SUCLG2: variants seen among roughly 807,000 people sequenced by gnomAD.
SUCLG2 encodes succinate-CoA ligase GDP-forming subunit beta, also known as succinate--CoA ligase [GDP-forming] subunit beta, mitochondrial.
A neutral mutation model predicts 47.9 loss-of-function variants in SUCLG2; 42 were observed. The ratio of observed to expected loss-of-function variants is 0.88; its 90% confidence interval spans 0.69 to 1.14. The LOEUF (loss-of-function observed/expected upper bound fraction) is 1.14. Among genes scored for constraint, SUCLG2 ranks in the 50% most tolerant of loss-of-function variants. SUCLG2 has a pLI of 0.00. For missense variants in SUCLG2, 571 were observed against 525.9 expected, an observed-to-expected ratio of 1.09 and a Z score of -0.84; for synonymous variants, 195 against 197.3, an observed-to-expected ratio of 0.99 and a Z score of 0.10.
chr3:67,487,917 C>A (rs1312788105), intron 9 of SUCLG2, among the ~76,000 whole-genome samples: 1 of 152,034 alleles, frequency 6.6e-6, no homozygotes, highest in East Asian at 1.9e-4. Context: ...TTGTAACACC[C>A]TGAATATCAA....
intron 7 of SUCLG2, among the ~76,000 whole-genome samples, chr3:67,508,409 G>A (rs2107097111): frequency 6.6e-6 from 1 of 152,206 alleles, no homozygotes; most frequent in African/African-American, 2.4e-5. Flanking sequence ...GTGAACGAAT[G>A]TTTCTTTCCT....
chr3:67,625,825 GA>G (rs1277231044), intron 1 of SUCLG2, among the ~76,000 whole-genome samples: 1 of 152,082 alleles, frequency 6.6e-6, no homozygotes, highest in Non-Finnish European at 1.5e-5. Context: ...CAGAAAGGAT[GA>G]ATGTAAGACT....
downstream of SUCLG2, among the ~76,000 whole-genome samples, chr3:67,371,214 GAAC>G (rs201797515): frequency 1.2e-4 from 19 of 152,056 alleles, no homozygotes; most frequent in African/African-American, 3.4e-4. Context: ...GGAGGAACAA[GAAC>G]AACAACAACA....
intron 2 of SUCLG2, among the ~76,000 whole-genome samples, chr3:67,588,403 C>A (rs1451300068): frequency 6.6e-6 from 1 of 152,198 alleles, no homozygotes; most frequent in East Asian, 1.9e-4. Context: ...AGCTGAATAT[C>A]TGACACCCCA....
intron 9 of SUCLG2, among the ~76,000 whole-genome samples, chr3:67,481,025 GT>G (rs57632637): frequency 0.54 from 81,463 of 151,774 alleles, 22,943 homozygotes; most frequent in Admixed American, 0.64. Flanking sequence ...TTATGACACT[GT>G]TTTTTTTACA....
At chr3:67,495,567 G>A (rs533918273) in intron 9 of SUCLG2, among the ~76,000 whole-genome samples, 11 of 151,216 alleles carry the variant, frequency 7.3e-5, no homozygotes, top group Admixed American at 4.6e-4. Flanking sequence ...AAGAAGAATC[G>A]CTTGAACCCA....
chr3:67,400,162 G>A (rs924482410), intron 10 of SUCLG2, among the ~76,000 whole-genome samples: 1 of 150,932 alleles, frequency 6.6e-6, no homozygotes, highest in Admixed American at 6.6e-5. Flanking sequence ...AATGTGAAAA[G>A]TTATTTACAA....
At chr3:67,465,064 C>T (rs146269641) in intron 9 of SUCLG2, among the ~76,000 whole-genome samples, 1 of 152,328 alleles carries the variant, frequency 6.6e-6, no homozygotes, top group East Asian at 1.9e-4. Flanking sequence ...ACTGTATCTT[C>T]AAGATCCCAG....
At chr3:67,552,469 A>G (rs1707043290) in intron 2 of SUCLG2, among the ~76,000 whole-genome samples, 1 of 152,250 alleles carries the variant, frequency 6.6e-6, no homozygotes, top group Non-Finnish European at 1.5e-5. Flanking sequence ...TACAAAAGTC[A>G]GAGAGCAATT....
chr3:67,455,140 T>C (rs2106944944), intron 9 of SUCLG2, among the ~76,000 whole-genome samples: 1 of 152,260 alleles, frequency 6.6e-6, no homozygotes, highest in African/African-American at 2.4e-5. Flanking sequence ...ACATATTCAG[T>C]GTTTTAGATT....
At chr3:67,395,475 A>G (rs1400143015) in intron 10 of SUCLG2, among the ~76,000 whole-genome samples, 1 of 152,250 alleles carries the variant, frequency 6.6e-6, no homozygotes, top group Admixed American at 6.5e-5. Flanking sequence ...AGAACTAACT[A>G]TCCTAAATAT....
intron 6 of SUCLG2, among the ~76,000 whole-genome samples, chr3:67,513,335 A>G (rs1000319979): frequency 6.6e-6 from 1 of 152,216 alleles, no homozygotes; most frequent in African/African-American, 2.4e-5. Context: ...CATTAATCCC[A>G]TTGTAATTAT....
At chr3:67,536,494 C>T (rs1038190199) in intron 2 of SUCLG2, among the ~76,000 whole-genome samples, 8 of 152,334 alleles carry the variant, frequency 5.3e-5, no homozygotes, top group African/African-American at 1.7e-4. Flanking sequence ...CATTCACTGC[C>T]TATGGTCTCT....
At chr3:67,609,370 CA>C (rs1417137175) in intron 2 of SUCLG2, 84 bp downstream of exon 2, 76 of 1,485,454 alleles carry the variant, frequency 5.1e-5, no homozygotes, top group Admixed American at 1.0e-4. Flanking sequence ...TAATCCACAA[CA>C]AAAAAAATTA....
chr3:67,534,680 T>C (rs1460062216), intron 2 of SUCLG2, among the ~76,000 whole-genome samples: 3 of 145,114 alleles, frequency 2.1e-5, no homozygotes, highest in African/African-American at 7.7e-5. Flanking sequence ...AGTTTAATAC[T>C]AGTAAGCCAA....
exon 11 of SUCLG2, chr3:67,360,503 G>A: frequency 9.9e-7 from 1 of 1,005,302 alleles, no homozygotes; most frequent in Non-Finnish European, 1.4e-6. Context: ...ACAGCTATAA[G>A]CCATGCCCTT....
chr3:67,553,755 T>C (rs1707079726), intron 2 of SUCLG2, among the ~76,000 whole-genome samples: 1 of 152,170 alleles, frequency 6.6e-6, no homozygotes, highest in African/African-American at 2.4e-5. Context: ...TTTATAATCT[T>C]TGTCAAAAAC....
chr3:67,561,188 G>C (rs1389977077), intron 2 of SUCLG2, among the ~76,000 whole-genome samples: 1 of 151,486 alleles, frequency 6.6e-6, no homozygotes, highest in African/African-American at 2.4e-5. Context: ...CTTGCACCTT[G>C]TTTTAGTGAC....
chr3:67,446,966 G>A (rs368302049), intron 9 of SUCLG2, among the ~76,000 whole-genome samples: 43 of 152,214 alleles, frequency 2.8e-4, no homozygotes, highest in African/African-American at 9.6e-4. Context: ...GTTTGAGGAA[G>A]AAAATGGTTA....
Sources: allele counts gnomAD v4.1 joint callset (sites outside exome capture counted in the v4.1 genomes callset), GRCh38; gene constraint gnomAD v4.1.1; transcripts MANE v1.5; gene names NCBI Gene and HGNC (gene_info 2026-07-23, HGNC 2026-07-21).